The following SASH1 variants were observed in gnomAD, a reference collection of about 807,000 sequenced individuals.
SASH1 encodes SAM and SH3 domain-containing protein 1.
SASH1 carries 44 observed loss-of-function variants against 125.2 expected under a neutral mutation model. The observed-to-expected ratio is 0.35, with a 90% CI of 0.28 to 0.45. SASH1 has a LOEUF of 0.45. Ranked by LOEUF, SASH1 falls within the 20% of genes least tolerant of loss-of-function variation. The pLI is 1.00. For missense variants in SASH1, 1,426 were observed against 1,614.5 expected (o/e 0.88, Z 2.00); for synonymous variants, 639 against 649.1 (o/e 0.98, Z 0.24).
At chr6:148,264,176 CGAAAAAA>C in the SASH1 span, among the ~76,000 whole-genome samples, 1 of 52,408 alleles carries the variant, frequency 1.9e-5, no homozygotes, top group African/African-American at 6.4e-5. Flanking sequence ...TTATTTTGAC[CGAAAAAA>C]AAAAAAAAAA....
intron 1 of SASH1, among the ~76,000 whole-genome samples, chr6:148,305,192 C>T (rs1780092038): frequency 1.3e-5 from 2 of 152,142 alleles, no homozygotes; most frequent in African/African-American, 2.4e-5. Flanking sequence ...GGCTCATTTC[C>T]TCAAGTTCTT....
At chr6:148,392,523 C>T (rs993944424) in intron 2 of SASH1, among the ~76,000 whole-genome samples, 1 of 152,316 alleles carries the variant, frequency 6.6e-6, no homozygotes, top group South Asian at 2.1e-4. Flanking sequence ...TTGGGTACCA[C>T]TGCCCTATAT....
Position 148,343,116 on chromosome 6 carries a change from C to A in SASH1, c.49C>A (p.Pro17Thr), listed in dbSNP as rs779327743. 4 of 1,587,270 alleles carry A rather than the reference C, an allele frequency of 2.5e-6. No individual in the cohort carries two copies. The highest frequency in any genetic ancestry group is 3.4e-6 in the Non-Finnish European group (4 of 1,173,830). ...CCCGGGGCCGGAGCCTGAGCCCGAG[C>A]CCGAGCCGGAGCCCGAGCCCGCGCC... Reference protein sequence around the residue: ...AGPGPEPEPEPEPEPEPAPEP... With the variant: ...AGPGPEPEPETEPEPEPAPEP... The change falls in exon 1 of 20, where the codon CCC (proline) becomes ACC (threonine). Residue 17 changes from proline (P) to threonine (T), a missense_variant. Transcript: ENST00000367467.
chr6:148,389,729 C>T (rs1783621483), intron 1 of SASH1, among the ~76,000 whole-genome samples: 1 of 152,132 alleles, frequency 6.6e-6, no homozygotes, highest in African/African-American at 2.4e-5. Context: ...CATTAGGAGC[C>T]TCTTCCTCAC....
intron 8 of SASH1, among the ~76,000 whole-genome samples, chr6:148,510,357 T>C (rs916866691): frequency 1.3e-5 from 2 of 152,194 alleles, no homozygotes; most frequent in African/African-American, 2.4e-5. Flanking sequence ...ATACAGATGA[T>C]TGAGTTCACC....
At chr6:148,504,205 A>G (rs1411116593) in intron 8 of SASH1, among the ~76,000 whole-genome samples, 1 of 152,220 alleles carries the variant, frequency 6.6e-6, no homozygotes, top group Non-Finnish European at 1.5e-5. Context: ...GGATGCAATC[A>G]GCAGAGCTGT....
intron 2 of SASH1, among the ~76,000 whole-genome samples, chr6:148,425,777 G>A (rs1775792971): frequency 7.5e-6 from 1 of 133,988 alleles, no homozygotes; most frequent in African/African-American, 2.8e-5. Flanking sequence ...TGTCCCCCAG[G>A]CTGGAATGCA....
intron 1 of SASH1, among the ~76,000 whole-genome samples, chr6:148,279,302 T>C (rs6570834): frequency 0.028 from 4,324 of 152,246 alleles, 209 homozygotes; most frequent in African/African-American, 0.099. Flanking sequence ...AGCAAATGAA[T>C]CTTTAAGAAA....
At chr6:148,253,138 A>C in the SASH1 span, among the ~76,000 whole-genome samples, 3 of 152,220 alleles carry the variant, frequency 2.0e-5, no homozygotes, top group Non-Finnish European at 2.9e-5. Context: ...CAGTCCTAAA[A>C]AAGAAGAGCA....
At chr6:148,224,264 C>T in the SASH1 span, among the ~76,000 whole-genome samples, 1 of 152,154 alleles carries the variant, frequency 6.6e-6, no homozygotes, top group Non-Finnish European at 1.5e-5. Context: ...CAACTGCTCA[C>T]TCCAGCCTGC....
the SASH1 span, among the ~76,000 whole-genome samples, chr6:148,237,984 C>T: frequency 6.6e-6 from 1 of 152,112 alleles, no homozygotes; most frequent in African/African-American, 2.4e-5. Flanking sequence ...GAGAATAGCA[C>T]ACCCTGAAAA....
chr6:148,286,790 A>C (rs564080335), intron 1 of SASH1, among the ~76,000 whole-genome samples: 1 of 152,312 alleles, frequency 6.6e-6, no homozygotes, highest in East Asian at 1.9e-4. Flanking sequence ...CCTGGGGAGT[A>C]GGGTTACAGC....
chr6:148,512,396 C>T (rs983350509), intron 8 of SASH1: 1 of 816,732 alleles, frequency 1.2e-6, no homozygotes, highest in Non-Finnish European at 1.5e-6. Context: ...ATTAGAATTG[C>T]TTGGCTTTTG....
At chr6:148,505,348 C>T (rs1779738775) in intron 8 of SASH1, among the ~76,000 whole-genome samples, 1 of 152,236 alleles carries the variant, frequency 6.6e-6, no homozygotes, top group Non-Finnish European at 1.5e-5. Flanking sequence ...GAGTCTTGCT[C>T]TGTCACCCAG....
Position 148,328,560 on chromosome 6 carries a change from T to A in SASH1, n.74+56183T>A, listed in dbSNP as rs374373242. Among the ~76,000 whole-genome samples, 13 of 151,016 alleles carry A rather than the reference T, an allele frequency of 8.6e-5. No individual in the cohort carries two copies. The South Asian group carries it at 2.7e-3, about 32-fold the overall frequency. The stretch of plus-strand genomic sequence containing the variant: ...GTGAGTCAAGATCTTGCCACTGCAC[T>A]CCAGCCTGGGTGACAGAGCAAGACT... On this transcript the variant is annotated intron_variant and non_coding_transcript_variant, in intron 1 of 3. Coordinates refer to the SASH1 transcript ENST00000367469.
chr6:148,430,393 G>A (rs990704170), intron 2 of SASH1, among the ~76,000 whole-genome samples: 5 of 152,168 alleles, frequency 3.3e-5, no homozygotes, highest in South Asian at 4.1e-4. Flanking sequence ...GTGCAGTGGC[G>A]CCATCTCAGC....
rs750178921 is a variant in SASH1, at chr6:148,519,678, C to A, written c.994C>A (p.Leu332Ile). 1.2e-5 allele frequency: 19 copies of A among 1,614,136 alleles called. No homozygotes were observed. In the Admixed American group the frequency reaches 3.2e-4, roughly 27 times the overall value. ...EKPPEDDSDS[L>I]TTSPSSSSLD... is the part of the protein sequence containing the mutation. ...ACCTCCCGAAGATGACTCAGACTCT[C>A]TCACCACGTCTCCATCCTCCAGCAG... The change falls in exon 10 of 20, where the codon CTC becomes ATC. Residue 332 changes from leucine to isoleucine, a missense_variant. By Grantham distance (5) the Leu-to-Ile change is conservative. Around this residue, in one of 3 missense-constraint regions of SASH1, gnomAD observed 567 missense variants for 575.6 expected, o/e 0.99. Transcript: ENST00000367467. The surrounding 1 kb of genome is among the most constrained non-coding windows in gnomAD (Gnocchi z 4.8).
intron 1 of SASH1, among the ~76,000 whole-genome samples, chr6:148,361,143 G>T (rs1012002119): frequency 6.6e-6 from 1 of 152,200 alleles, no homozygotes; most frequent in African/African-American, 2.4e-5. Context: ...AGGAAGTGGC[G>T]AGGACCTCTA....
At chr6:148,238,612 TCATACACACA>T in the SASH1 span, among the ~76,000 whole-genome samples, 5 of 110,416 alleles carry the variant, frequency 4.5e-5, no homozygotes, top group African/African-American at 1.6e-4. Flanking sequence ...TGTGTATGTG[TCATACACACA>T]CATACACACA....
Sources: gnomAD v4.1 joint callset for allele counts (sites outside exome capture counted in the v4.1 genomes callset) on GRCh38, gnomAD v4.1.1 for gene constraint, gnomAD v4.1.1 regional missense constraint, Gnocchi (gnomAD v3.1) non-coding constraint, MANE v1.5 for transcripts, NCBI Gene and HGNC (gene_info 2026-07-23, HGNC 2026-07-21) for gene names.